GIMAP8: variants seen among roughly 807,000 people sequenced by gnomAD.
The protein encoded by GIMAP8 is GTPase, IMAP family member 8, also known as GTPase IMAP family member 8.
Under a neutral mutation model 35.6 loss-of-function variants are expected in GIMAP8, and 29 were observed. That is an observed-to-expected ratio of 0.81 (90% CI 0.61 to 1.11). The LOEUF (loss-of-function observed/expected upper bound fraction) is 1.11. Among genes scored for constraint, GIMAP8 ranks in the 50% most tolerant of loss-of-function variants. GIMAP8 has a pLI of 0.00. For missense variants in GIMAP8, 811 were observed against 805.0 expected (o/e 1.01, Z -0.09); for synonymous variants, 335 against 308.7 (o/e 1.09, Z -0.89).
At position 150,478,839 on chromosome 7, in the gene GIMAP8, C is replaced by T. The variant is rs1001738125; in HGVS notation, c.*1059C>T. The T allele has an allele frequency of 7.9e-5, 12 of 152,196 alleles. No homozygotes were observed. The highest frequency in any genetic ancestry group is 2.9e-4 in the African/African-American group (12 of 41,436). 9.4% of individuals were successfully genotyped at this position (152,196 alleles called of 1,614,324 possible). On this transcript the variant is annotated 3_prime_UTR_variant, in exon 5 of 5. Coordinates refer to ENST00000307271, the MANE Select transcript of GIMAP8 (RefSeq NM_175571.4). ...TTCTTGGTTTCAAGACAGTGGTGTT[C>T]TTTCCATAGCTGAGCAGATTATTTT... is the stretch of plus-strand genomic sequence containing the variant.
intron 1 of GIMAP8, among the ~76,000 whole-genome samples, chr7:150,454,377 G>T (rs1416557343): frequency 6.6e-6 from 1 of 152,108 alleles, no homozygotes; most frequent in South Asian, 2.1e-4. Flanking sequence ...GGAAACCGGG[G>T]AGCAGTGTTA....
At chr7:150,459,958 G>T (rs979268306) in intron 1 of GIMAP8, among the ~76,000 whole-genome samples, 3 of 152,178 alleles carry the variant, frequency 2.0e-5, no homozygotes, top group Non-Finnish European at 4.4e-5. Context: ...GACTGAAGTG[G>T]TCCAATGAAA....
At chr7:150,454,417 G>A (rs1302033813) in intron 1 of GIMAP8, among the ~76,000 whole-genome samples, 1 of 152,174 alleles carries the variant, frequency 6.6e-6, no homozygotes, top group Admixed American at 6.5e-5. Flanking sequence ...AAGAGGAGCT[G>A]ATGACCAGTT....
intron 1 of GIMAP8, among the ~76,000 whole-genome samples, chr7:150,453,693 CAG>C (rs922460661): frequency 1.3e-4 from 20 of 152,334 alleles, no homozygotes; most frequent in East Asian, 5.8e-4. Context: ...GTGAGAAAAA[CAG>C]AGCAAGTCCT....
At position 150,478,597 on chromosome 7, in the gene GIMAP8, G is replaced by A. The variant is rs992901613; in HGVS notation, c.*817G>A. On this transcript the variant is annotated 3_prime_UTR_variant, in exon 5 of 5. Transcript: ENST00000307271. ...AGAAGGTTATTAGAATCTCCATTGC[G>A]TTTCTCTTTCTCCTTCTCTTTCCCT... The A allele has an allele frequency of 3.3e-5, 5 of 152,136 alleles. No individual in the cohort carries two copies. The highest frequency in any genetic ancestry group is 2.1e-4 in the South Asian group (1 of 4,826). 9.4% of individuals were successfully genotyped at this position (152,136 alleles called of 1,614,324 possible).
Position 150,458,591 on chromosome 7 carries a change from A to G in GIMAP8, c.-29+7416A>G, listed in dbSNP as rs141796127. ...ACCAGCACATGTCCTCACCTTATCC[A>G]TCTGGAATCCATACACTTCTCCATA... is the stretch of plus-strand genomic sequence containing the variant. On this transcript the variant is annotated intron_variant, in intron 1 of 4. Transcript: ENST00000307271. Among the ~76,000 whole-genome samples, 13 of 152,300 alleles carry G rather than the reference A, an allele frequency of 8.5e-5. No homozygotes were observed. In the East Asian group the frequency reaches 2.5e-3, roughly 29 times the overall value.
intron 1 of GIMAP8, among the ~76,000 whole-genome samples, chr7:150,464,274 AATC>A (rs1801905611): frequency 6.6e-6 from 1 of 152,202 alleles, no homozygotes; most frequent in African/African-American, 2.4e-5. Context: ...ATCATTTTCC[AATC>A]ATCATTTTGC....
In GIMAP8 at chr7:150,478,979, C is replaced by A. The variant is rs1802306903; in HGVS notation, c.*1199C>A. 6.6e-6 allele frequency: 1 copy of A among 152,202 alleles called. No homozygotes were observed. Among genetic ancestry groups the A allele is most frequent in the Non-Finnish European group, 1.5e-5 (1 of 68,050 alleles). The allele number at this position is 152,202 out of a possible 1,614,324, so 9.4% of individuals were successfully genotyped here. ...TTTGTACATGCTTTGAGAGCATAAT[C>A]TTTGTCATCTGTTTTTTTCCCCTAG... On this transcript the variant is annotated 3_prime_UTR_variant, in exon 5 of 5. Transcript: ENST00000307271.
At chr7:150,466,057 G>A (rs964325464) in intron 1 of GIMAP8, among the ~76,000 whole-genome samples, 1 of 152,210 alleles carries the variant, frequency 6.6e-6, no homozygotes, top group African/African-American at 2.4e-5. Flanking sequence ...ATGCTTCTCT[G>A]TTAACTTCAC....
rs759662349 is a variant in GIMAP8, at chr7:150,474,505, T to C, written c.1176T>C (p.Cys392=). The part of the protein sequence containing the change: ...NKALYGLIQK[C]KNRYSAFNYR... ...CTCTCTATGGTCTCATCCAGAAGTG[T>C]AAAAACAGATATAGTGCCTTCAACT... The change falls in exon 4 of 5, where the codon TGT becomes TGC. Residue 392 remains cysteine, a synonymous_variant. Coordinates refer to ENST00000307271, the MANE Select transcript of GIMAP8 (RefSeq NM_175571.4). 1 of 1,613,378 alleles carries C rather than the reference T, an allele frequency of 6.2e-7. No individual in the cohort carries two copies. Among genetic ancestry groups the C allele is most frequent in the East Asian group, 2.2e-5 (1 of 44,868 alleles).
In GIMAP8 at chr7:150,467,036, C is replaced by T. The variant is rs1801979480; in HGVS notation, c.338C>T (p.Thr113Ile). The T allele has an allele frequency of 6.2e-7, 1 of 1,614,098 alleles. No homozygotes were observed. Among genetic ancestry groups the T allele is most frequent in the Non-Finnish European group, 8.5e-7 (1 of 1,180,050 alleles). ...IGHFTREDEE[T>I]AKGIQQVFGA... ...CATTTCACAAGGGAGGATGAGGAAACAGCCAAGGGCATCCAACAAGTGTTT... is the reference window on the plus strand; with the variant it reads ...CATTTCACAAGGGAGGATGAGGAAATAGCCAAGGGCATCCAACAAGTGTTT... The change falls in exon 2 of 5, where the codon ACA becomes ATA. Residue 113 changes from threonine to isoleucine, a missense_variant. Transcript: ENST00000307271.
At chr7:150,460,054 T>A (rs1337576070) in intron 1 of GIMAP8, among the ~76,000 whole-genome samples, 1 of 152,208 alleles carries the variant, frequency 6.6e-6, no homozygotes, top group Non-Finnish European at 1.5e-5. Context: ...GCTAGTAGAC[T>A]GGGCACTCAG....
intron 1 of GIMAP8, among the ~76,000 whole-genome samples, chr7:150,465,900 T>C (rs1055589503): frequency 4.6e-5 from 7 of 152,230 alleles, no homozygotes; most frequent in African/African-American, 1.7e-4. Context: ...AAAAATATCC[T>C]TGAAGTAGGT....
chr7:150,453,628 A>C (rs1295878182), intron 1 of GIMAP8, among the ~76,000 whole-genome samples: 3 of 152,252 alleles, frequency 2.0e-5, no homozygotes, highest in Admixed American at 1.3e-4. Flanking sequence ...GTCAATAACC[A>C]TCAACTCAGA....
intron 1 of GIMAP8, among the ~76,000 whole-genome samples, chr7:150,462,701 A>G (rs1054092380): frequency 3.9e-5 from 6 of 152,216 alleles, no homozygotes; most frequent in African/African-American, 1.2e-4. Flanking sequence ...CTAATAAAAC[A>G]TGGTGTTAGT....
At chr7:150,470,463 T>A (rs892900649) in intron 2 of GIMAP8, among the ~76,000 whole-genome samples, 1 of 151,970 alleles carries the variant, frequency 6.6e-6, no homozygotes, top group African/African-American at 2.4e-5. Flanking sequence ...TCTATCCTGT[T>A]GTCTCCATTT....
chr7:150,476,354 T>C (rs1351142306), intron 4 of GIMAP8, among the ~76,000 whole-genome samples: 3 of 152,234 alleles, frequency 2.0e-5, no homozygotes, highest in Non-Finnish European at 2.9e-5. Context: ...AAAGAACGCA[T>C]ATTGTAAGGT....
intron 1 of GIMAP8, among the ~76,000 whole-genome samples, chr7:150,453,870 T>G (rs1585110108): frequency 7.4e-6 from 1 of 134,722 alleles, no homozygotes. Flanking sequence ...GGGGCGGGGG[T>G]GCCCGTGGGG....
At chr7:150,461,064 T>A (rs1801835382) in intron 1 of GIMAP8, among the ~76,000 whole-genome samples, 1 of 152,218 alleles carries the variant, frequency 6.6e-6, no homozygotes, top group African/African-American at 2.4e-5. Flanking sequence ...CCACACAATA[T>A]CCCATATTGG....
Sources: gnomAD v4.1 joint callset for allele counts (sites outside exome capture counted in the v4.1 genomes callset) on GRCh38, gnomAD v4.1.1 for gene constraint, MANE v1.5 for transcripts, NCBI Gene and HGNC (gene_info 2026-07-23, HGNC 2026-07-21) for gene names.